The following MARCHF1 variants were observed in gnomAD, a reference collection of about 807,000 sequenced individuals.
The protein encoded by MARCHF1 is E3 ubiquitin-protein ligase MARCHF1.
In MARCHF1, 40 loss-of-function variants were observed where a neutral mutation model predicts 54.2. That is an observed-to-expected ratio of 0.74 (90% CI 0.57 to 0.96). The LOEUF is 0.96. Ranked by LOEUF, MARCHF1 falls within the 40% of genes least tolerant of loss-of-function variation. The pLI is 0.00. For missense variants in MARCHF1, 586 were observed against 656.5 expected, an observed-to-expected ratio of 0.89 and a Z score of 1.17; for synonymous variants, 236 against 236.3, an observed-to-expected ratio of 1.00 and a Z score of 0.01.
chr4:163,970,199 G>A (rs1475117181), intron 3 of MARCHF1, among the ~76,000 whole-genome samples: 2 of 152,112 alleles, frequency 1.3e-5, no homozygotes, highest in Non-Finnish European at 2.9e-5. Context: ...TTATTTAGAG[G>A]TAGTCAACTA....
rs1731080105 is a variant in MARCHF1 at position 164,189,932 on chromosome 4, C to A, written c.-322-78270G>T. The A allele has an allele frequency of 2.4e-5, 38 of 1,565,052 alleles. 2 individuals are homozygous for A. In the South Asian group the frequency reaches 4.2e-4, roughly 17 times the overall value. The stretch of plus-strand genomic sequence containing the variant: ...CAGCTGAAGACAAGGGTACAGGGAA[C>A]AAAAATAAGATCACAATTACCAATG... On this transcript the variant is annotated intron_variant, in intron 1 of 9. Transcript: ENST00000514618.
chr4:163,683,043 A>G (rs1018039931), intron 5 of MARCHF1, among the ~76,000 whole-genome samples: 1 of 152,208 alleles, frequency 6.6e-6, no homozygotes, highest in African/African-American at 2.4e-5. Flanking sequence ...TAGAAGTATA[A>G]TATCTTGAGT....
At chr4:163,835,604 C>T (rs1221609494) in intron 4 of MARCHF1, among the ~76,000 whole-genome samples, 1 of 152,222 alleles carries the variant, frequency 6.6e-6, no homozygotes, top group Non-Finnish European at 1.5e-5. Flanking sequence ...TTTCCTTTTT[C>T]TATCCATAAA....
At chr4:164,104,886 T>C (rs1324842243) in intron 2 of MARCHF1, among the ~76,000 whole-genome samples, 1 of 65,912 alleles carries the variant, frequency 1.5e-5, no homozygotes, top group Non-Finnish European at 4.9e-5. Context: ...CAGCCCAAAA[T>C]CTCCTTAAGC....
chr4:164,343,282 T>C (rs1429266988), intron 1 of MARCHF1, among the ~76,000 whole-genome samples: 1 of 152,122 alleles, frequency 6.6e-6, no homozygotes, highest in Non-Finnish European at 1.5e-5. Flanking sequence ...TTGTCAATCA[T>C]ACCTCCACAA....
At chr4:163,873,494 C>G (rs1013662956) in intron 3 of MARCHF1, among the ~76,000 whole-genome samples, 20 of 152,162 alleles carry the variant, frequency 1.3e-4, no homozygotes, top group African/African-American at 3.9e-4. Context: ...CAGAGCTGGA[C>G]TCTGCATGGC....
intron 1 of MARCHF1, among the ~76,000 whole-genome samples, chr4:164,243,897 A>G (rs1732855259): frequency 1.3e-5 from 2 of 152,056 alleles, no homozygotes; most frequent in Non-Finnish European, 2.9e-5. Context: ...CAATTCAACA[A>G]GAAGAGCTAA....
At chr4:163,958,899 T>C (rs1752284634) in intron 3 of MARCHF1, among the ~76,000 whole-genome samples, 1 of 151,992 alleles carries the variant, frequency 6.6e-6, no homozygotes, top group East Asian at 1.9e-4. Flanking sequence ...TAAAAGGATT[T>C]ATAGCCTCCA....
intron 4 of MARCHF1, among the ~76,000 whole-genome samples, chr4:163,746,692 G>T (rs891089406): frequency 2.0e-5 from 3 of 151,928 alleles, no homozygotes; most frequent in Non-Finnish European, 2.9e-5. Flanking sequence ...TCTTTTTCAT[G>T]ATTTTTTTGG....
intron 4 of MARCHF1, among the ~76,000 whole-genome samples, chr4:163,733,245 G>GTATATATATACACA (rs1745928072): frequency 4.7e-5 from 1 of 21,494 alleles, no homozygotes; most frequent in African/African-American, 1.3e-4. Context: ...ATATATACAC[G>GTATATATATACACA]TGTATATATA....
intron 3 of MARCHF1, among the ~76,000 whole-genome samples, chr4:163,871,692 T>A (rs998143190): frequency 1.3e-5 from 2 of 152,218 alleles, no homozygotes; most frequent in African/African-American, 4.8e-5. Flanking sequence ...GGTTACAGGA[T>A]GTGTATTTGA....
intron 2 of MARCHF1, among the ~76,000 whole-genome samples, chr4:164,056,090 A>G (rs1754482856): frequency 6.6e-6 from 1 of 152,192 alleles, no homozygotes; most frequent in Admixed American, 6.5e-5. Context: ...TACTGCACAC[A>G]TTAATTGGTG....
chr4:164,118,563 C>T (rs547622470), intron 1 of MARCHF1, among the ~76,000 whole-genome samples: 1 of 151,124 alleles, frequency 6.6e-6, no homozygotes, highest in Non-Finnish European at 1.5e-5. Flanking sequence ...GCTTATAAGA[C>T]AAAGCTCAGA....
chr4:163,712,874 G>A (rs1264831314), intron 4 of MARCHF1, among the ~76,000 whole-genome samples: 1 of 152,064 alleles, frequency 6.6e-6, no homozygotes, highest in African/African-American at 2.4e-5. Flanking sequence ...CAGGAAGTCT[G>A]GAGTCACAAG....
chr4:164,197,503 A>G (rs1356088384), intron 1 of MARCHF1: 2 of 1,613,390 alleles, frequency 1.2e-6, no homozygotes, highest in Non-Finnish European at 1.7e-6. Context: ...TGAGACTCTT[A>G]GTTCAAGCTT....
chr4:163,574,882 T>C (rs1026887475), intron 8 of MARCHF1, among the ~76,000 whole-genome samples: 7 of 151,680 alleles, frequency 4.6e-5, no homozygotes, highest in African/African-American at 2.4e-5. Flanking sequence ...GGGGATGGCA[T>C]TGAATCTATA....
At chr4:164,194,514 G>A (rs2111059524) in intron 1 of MARCHF1, among the ~76,000 whole-genome samples, 1 of 152,046 alleles carries the variant, frequency 6.6e-6, no homozygotes, top group South Asian at 2.1e-4. Context: ...TCATTTTAGT[G>A]TTTAATACCT....
At chr4:163,806,293 G>A (rs144048469) in intron 4 of MARCHF1, among the ~76,000 whole-genome samples, 9 of 152,258 alleles carry the variant, frequency 5.9e-5, no homozygotes, top group African/African-American at 2.2e-4. Context: ...ACTAATGGGA[G>A]GAATGGGAGC....
At position 163,613,053 on chromosome 4, in the gene MARCHF1, A is replaced by G. The variant is rs892918940; in HGVS notation, c.243-15T>C. ...AGATGGCAGATCTAGACAGAGCAGCAGGCAAAGGATGGGAAATGGGAATGG... is the reference window on the plus strand; with the variant it reads ...AGATGGCAGATCTAGACAGAGCAGCGGGCAAAGGATGGGAAATGGGAATGG... On this transcript the variant is annotated splice_polypyrimidine_tract_variant and intron_variant, in intron 6 of 9. Coordinates refer to ENST00000514618, the MANE Select transcript of MARCHF1 (RefSeq NM_001394959.1). The G allele has an allele frequency of 3.4e-6, 5 of 1,460,546 alleles. No homozygotes were observed. The African/African-American group carries it at 7.1e-5, about 21-fold the overall frequency. The allele number at this position is 1,460,546 out of a possible 1,614,324, so 90.5% of individuals were successfully genotyped here.
Sources: allele counts gnomAD v4.1 joint callset (sites outside exome capture counted in the v4.1 genomes callset), GRCh38; gene constraint gnomAD v4.1.1; transcripts MANE v1.5; gene names NCBI Gene and HGNC (gene_info 2026-07-23, HGNC 2026-07-21).